Variants in UBE2F observed in about 807,000 individuals in gnomAD.
The protein encoded by UBE2F is ubiquitin conjugating enzyme E2 F (putative), also known as NEDD8-conjugating enzyme UBE2F.
A neutral mutation model predicts 29.6 loss-of-function variants in UBE2F; 5 were observed. The ratio of observed to expected loss-of-function variants is 0.17; its 90% CI spans 0.09 to 0.36. UBE2F has a LOEUF of 0.36. Among genes scored for constraint, UBE2F ranks in the 10% least tolerant of loss-of-function variants. The pLI is 1.00. For synonymous variants in UBE2F, 66 were observed against 81.8 expected (o/e 0.81, Z 1.04); for missense variants, 141 against 228.5 (o/e 0.62, Z 2.47).
At chr2:237,991,528 C>A (rs2063585307) in intron 3 of UBE2F, among the ~76,000 whole-genome samples, 2 of 145,642 alleles carry the variant, frequency 1.4e-5, no homozygotes, top group South Asian at 4.3e-4. Flanking sequence ...AAGCTTAATT[C>A]TGGTGCATTG....
intron 2 of UBE2F, among the ~76,000 whole-genome samples, chr2:237,978,031 G>T (rs2063315564): frequency 6.6e-6 from 1 of 152,156 alleles, no homozygotes; most frequent in African/African-American, 2.4e-5. Context: ...CAGCAAGGAA[G>T]GCCCCACGAC....
intron 9 of UBE2F, among the ~76,000 whole-genome samples, chr2:238,038,901 C>T (rs2064778633): frequency 6.6e-6 from 1 of 152,202 alleles, no homozygotes; most frequent in Non-Finnish European, 1.5e-5. Flanking sequence ...GTCCTTGTCC[C>T]TGTGGCGCAC....
At chr2:238,031,373 G>C (rs867778771) in intron 7 of UBE2F, among the ~76,000 whole-genome samples, 1 of 152,164 alleles carries the variant, frequency 6.6e-6, no homozygotes, top group Non-Finnish European at 1.5e-5. Context: ...TGGGGAACAC[G>C]TCTCATGAAC....
chr2:237,993,097 C>T (rs1004359559), intron 3 of UBE2F, among the ~76,000 whole-genome samples: 1 of 151,826 alleles, frequency 6.6e-6, no homozygotes, highest in African/African-American at 2.4e-5. Flanking sequence ...AGGCAATTCT[C>T]CTGCCTCAGC....
At chr2:238,026,341 CTCT>C (rs2064428627) in intron 6 of UBE2F, among the ~76,000 whole-genome samples, 1 of 152,216 alleles carries the variant, frequency 6.6e-6, no homozygotes, top group Admixed American at 6.5e-5. Flanking sequence ...ACTTCCGTAT[CTCT>C]TTTCTTTCAT....
At chr2:237,973,613 T>C in intron 2 of UBE2F, 1 of 1,221,922 alleles carries the variant, frequency 8.2e-7, no homozygotes, top group Non-Finnish European at 1.1e-6. Flanking sequence ...GAGTCAAATT[T>C]TGTAATCTCT....
chr2:237,990,312 A>G (rs1342367390), intron 3 of UBE2F: 1 of 412,524 alleles, frequency 2.4e-6, no homozygotes, highest in Non-Finnish European at 4.8e-6. Context: ...ACATTTTCCT[A>G]ATAAAAATAA....
At chr2:238,004,398 A>T (rs1466102434) in intron 4 of UBE2F, among the ~76,000 whole-genome samples, 1 of 151,274 alleles carries the variant, frequency 6.6e-6, no homozygotes, top group Admixed American at 6.5e-5. Flanking sequence ...CTCATTTAAA[A>T]AAAAATAAGG....
chr2:238,000,572 C>G (rs1249595240), intron 4 of UBE2F, among the ~76,000 whole-genome samples: 6 of 152,158 alleles, frequency 3.9e-5, no homozygotes, highest in Non-Finnish European at 7.3e-5. Context: ...AGTGGACGAA[C>G]CTTTGTGTTG....
intron 4 of UBE2F, among the ~76,000 whole-genome samples, chr2:238,010,225 G>A (rs1421481203): frequency 1.3e-5 from 2 of 151,904 alleles, no homozygotes; most frequent in African/African-American, 4.8e-5. Context: ...CCAGGCTGGA[G>A]TGCAGTGGCA....
intron 4 of UBE2F, among the ~76,000 whole-genome samples, chr2:237,995,239 A>G (rs982147491): frequency 1.3e-5 from 2 of 152,230 alleles, no homozygotes; most frequent in African/African-American, 2.4e-5. Context: ...GATTAAACAG[A>G]TAGTGTGGGT....
At position 238,016,643 on chromosome 2, in the gene UBE2F, C is replaced by A; in HGVS notation, c.282+10C>A. 6.3e-7 allele frequency: 1 copy of A among 1,599,666 alleles called. No homozygotes were observed. Among genetic ancestry groups the A allele is most frequent in the Non-Finnish European group, 8.5e-7 (1 of 1,175,600 alleles). ...TGCGTACAACATGGTGGTGAGTAGC[C>A]TGCGTTGAGCCTGTTGTTTTACTTC... On this transcript the variant is annotated intron_variant, in intron 5 of 9. Transcript: ENST00000272930.
intron 7 of UBE2F, among the ~76,000 whole-genome samples, chr2:238,031,551 A>G (rs1162539867): frequency 1.3e-5 from 2 of 152,196 alleles, no homozygotes; most frequent in Non-Finnish European, 2.9e-5. Context: ...TAAAATTACC[A>G]ACTAGCAAAA....
Position 237,967,129 on chromosome 2 carries a change from C to A in UBE2F, c.-20C>A. 7.5e-7 allele frequency: 1 copy of A among 1,326,308 alleles called. No individual in the cohort carries two copies. Among genetic ancestry groups the A allele is most frequent in the Non-Finnish European group, 9.7e-7 (1 of 1,034,042 alleles). 82.2% of individuals were successfully genotyped at this position (1,326,308 alleles called of 1,614,324 possible). On this transcript the variant is annotated 5_prime_UTR_variant, in exon 1 of 10. Transcript: ENST00000272930. This position sits in a 1 kb window ranked among gnomAD's most constrained non-coding sequence, Gnocchi z 6.3. ...GCCCGCCTCGCCTGTCTCGGGGAGC[C>A]CAGGTGAGGAGCGACCGTGCGGCTC...
chr2:237,981,094 C>T (rs1029905483), intron 2 of UBE2F, among the ~76,000 whole-genome samples: 6 of 152,124 alleles, frequency 3.9e-5, no homozygotes, highest in East Asian at 1.9e-4. Context: ...CCAGAAATGC[C>T]GGGTCACATC....
intron 6 of UBE2F, 119 bp downstream of exon 6, chr2:238,025,531 T>C (rs2064407022): frequency 1.1e-6 from 1 of 932,226 alleles, no homozygotes; most frequent in East Asian, 2.7e-5. Context: ...TAGGAAGGGC[T>C]TGAACTCAGC....
chr2:237,998,511 AAT>A (rs77185079), intron 4 of UBE2F, among the ~76,000 whole-genome samples: 7,945 of 152,200 alleles, frequency 0.052, 208 homozygotes, highest in South Asian at 0.072. Flanking sequence ...AATTTTAATG[AAT>A]ATGTCATAAT....
chr2:237,970,167 C>T (rs940818904), intron 1 of UBE2F, among the ~76,000 whole-genome samples: 1 of 152,058 alleles, frequency 6.6e-6, no homozygotes, highest in African/African-American at 2.4e-5. Context: ...GAATTCAAGA[C>T]CAGCCCGGGT....
At position 238,027,748 on chromosome 2, in the gene UBE2F, A is replaced by G. The variant is rs550123823; in HGVS notation, c.353+2336A>G. Reference sequence around the variant, plus strand: ...GTGTGTCCCGAATAAAGGGAAGGAAAAGCCCAACCGCACCTCTGGTTTGTG... The same window carrying G: ...GTGTGTCCCGAATAAAGGGAAGGAAGAGCCCAACCGCACCTCTGGTTTGTG... On this transcript the variant is annotated intron_variant, in intron 6 of 9. Coordinates refer to ENST00000272930, the MANE Select transcript of UBE2F (RefSeq NM_080678.3). Among the ~76,000 whole-genome samples, 19 of 152,312 alleles carry G rather than the reference A, an allele frequency of 1.2e-4. No homozygotes were observed. The East Asian group carries it at 3.7e-3, about 29-fold the overall frequency.
Sources: allele counts gnomAD v4.1 joint callset (sites outside exome capture counted in the v4.1 genomes callset), GRCh38; gene constraint gnomAD v4.1.1; non-coding constraint Gnocchi (gnomAD v3.1); transcripts MANE v1.5; gene names NCBI Gene and HGNC (gene_info 2026-07-23, HGNC 2026-07-21).